TSPAN18: variants seen among roughly 807,000 people sequenced by gnomAD.
TSPAN18 encodes tetraspanin 18.
Under a neutral mutation model 27.3 loss-of-function variants are expected in TSPAN18, and 14 were observed. That is an observed-to-expected ratio of 0.51 (90% CI 0.34 to 0.80). TSPAN18 has a LOEUF of 0.80. TSPAN18 is among the 30% of genes least tolerant of loss of function. The pLI is 0.01. For missense variants in TSPAN18, 268 were observed against 323.9 expected (o/e 0.83, Z 1.32); for synonymous variants, 143 against 136.5 (o/e 1.05, Z -0.33).
At chr11:44,742,066 A>G (rs79534406) in intron 1 of TSPAN18, among the ~76,000 whole-genome samples, 5,195 of 152,328 alleles carry the variant, frequency 0.034, 89 homozygotes, top group Middle Eastern at 0.044. Context: ...ACAGAATGGA[A>G]ACCTGCTGCA....
At chr11:44,826,986 G>T (rs1857056813) in intron 2 of TSPAN18, among the ~76,000 whole-genome samples, 1 of 152,212 alleles carries the variant, frequency 6.6e-6, no homozygotes, top group Non-Finnish European at 1.5e-5. Flanking sequence ...ACATGTGAAG[G>T]CATTTGGACT....
At chr11:44,792,812 C>T (rs1415897347) in intron 2 of TSPAN18, among the ~76,000 whole-genome samples, 1 of 152,146 alleles carries the variant, frequency 6.6e-6, no homozygotes, top group Non-Finnish European at 1.5e-5. Context: ...CCTGCCAAGG[C>T]CAAGAGGTGG....
intron 3 of TSPAN18, among the ~76,000 whole-genome samples, chr11:44,894,613 C>T (rs1026490839): frequency 9.2e-5 from 14 of 152,376 alleles, no homozygotes; most frequent in Admixed American, 9.1e-4. Context: ...ATAAAGCTGT[C>T]TGGCCCGGGC....
chr11:44,841,438 C>T (rs1485716863), intron 2 of TSPAN18, among the ~76,000 whole-genome samples: 4 of 151,624 alleles, frequency 2.6e-5, no homozygotes, highest in Admixed American at 2.6e-4. Flanking sequence ...ATCACTTGAA[C>T]CCAGGAGACA....
chr11:44,800,563 G>T (rs929387340), intron 2 of TSPAN18, among the ~76,000 whole-genome samples: 1 of 152,212 alleles, frequency 6.6e-6, no homozygotes, highest in Non-Finnish European at 1.5e-5. Context: ...CTTCCATAGG[G>T]CCTGTATTTG....
intron 6 of TSPAN18, 113 bp downstream of exon 6, chr11:44,918,159 A>C: frequency 9.0e-7 from 1 of 1,109,570 alleles, no homozygotes; most frequent in Non-Finnish European, 1.3e-6. Flanking sequence ...GCAGCCTCTC[A>C]TCTGGCACTT....
chr11:44,754,958 T>A (rs1311772530), intron 1 of TSPAN18, among the ~76,000 whole-genome samples: 1 of 152,136 alleles, frequency 6.6e-6, no homozygotes, highest in Non-Finnish European at 1.5e-5. Flanking sequence ...GCTGTGTCTG[T>A]CTATGGCAGG....
chr11:44,919,712 C>G, intron 7 of TSPAN18, 105 bp from the exon 8 acceptor site: 1 of 1,178,976 alleles, frequency 8.5e-7, no homozygotes, highest in South Asian at 1.3e-5. Context: ...CGCCCACACC[C>G]AGTCTTCTGA....
intron 1 of TSPAN18, among the ~76,000 whole-genome samples, chr11:44,743,633 C>A (rs1854999436): frequency 6.6e-6 from 1 of 152,212 alleles, no homozygotes; most frequent in South Asian, 2.1e-4. Flanking sequence ...CTCCAGCTTT[C>A]AAGTTGCCCT....
chr11:44,765,324 G>A (rs1855543223), intron 2 of TSPAN18, among the ~76,000 whole-genome samples: 1 of 152,230 alleles, frequency 6.6e-6, no homozygotes, highest in Non-Finnish European at 1.5e-5. Flanking sequence ...GTTGTGGAAG[G>A]CCATGGAGAG....
At chr11:44,892,082 G>T (rs1036243162) in intron 3 of TSPAN18, among the ~76,000 whole-genome samples, 5 of 152,120 alleles carry the variant, frequency 3.3e-5, no homozygotes, top group African/African-American at 1.2e-4. Context: ...GTGGGAGGCT[G>T]CGGGGCTGTC....
chr11:44,770,434 T>C (rs188678772), intron 2 of TSPAN18, among the ~76,000 whole-genome samples: 119 of 152,058 alleles, frequency 7.8e-4, no homozygotes, highest in African/African-American at 2.7e-3. Flanking sequence ...ACAGCAAGGG[T>C]AAGGCACATT....
At chr11:44,880,264 AC>A (rs1858453174) in intron 3 of TSPAN18, among the ~76,000 whole-genome samples, 1 of 152,202 alleles carries the variant, frequency 6.6e-6, no homozygotes, top group South Asian at 2.1e-4. Context: ...AATGCTGGAG[AC>A]TGGGACAGCC....
At chr11:44,897,510 T>C (rs556450766) in intron 3 of TSPAN18, among the ~76,000 whole-genome samples, 1 of 152,340 alleles carries the variant, frequency 6.6e-6, no homozygotes, top group African/African-American at 2.4e-5. Context: ...ATTAAAGATG[T>C]GCCTTCCAAG....
intron 1 of TSPAN18, among the ~76,000 whole-genome samples, chr11:44,756,009 G>A (rs755906221): frequency 2.0e-5 from 3 of 151,964 alleles, no homozygotes; most frequent in Non-Finnish European, 2.9e-5. Flanking sequence ...AGAGGGAGAT[G>A]GAGAGAGAGT....
intron 8 of TSPAN18, among the ~76,000 whole-genome samples, chr11:44,924,822 A>G (rs530881561): frequency 6.6e-6 from 1 of 152,388 alleles, no homozygotes; most frequent in South Asian, 2.1e-4. Flanking sequence ...CAGCACACCA[A>G]CATGGCACAT....
intron 2 of TSPAN18, among the ~76,000 whole-genome samples, chr11:44,822,404 A>C (rs770966550): frequency 6.6e-6 from 1 of 152,090 alleles, no homozygotes; most frequent in African/African-American, 2.4e-5. Context: ...GTGGCTGTCC[A>C]CACAGTATTT....
rs570744554 is a variant in TSPAN18, at chr11:44,879,837, G to A, written c.-11+19368G>A. On this transcript the variant is annotated intron_variant, in intron 3 of 9. Coordinates refer to ENST00000520358, the MANE Select transcript of TSPAN18 (RefSeq NM_130783.5). Reference sequence around the variant, plus strand: ...CTGGAGGCCAGATGGCAAAGCGGACGAAGAAGCGTGTCCCGTTGTCCTCTG... The same window carrying A: ...CTGGAGGCCAGATGGCAAAGCGGACAAAGAAGCGTGTCCCGTTGTCCTCTG... 4.6e-5 allele frequency among the ~76,000 whole-genome samples: 7 copies of A among 152,352 alleles called. No individual in the cohort carries two copies. In the East Asian group the frequency reaches 1.4e-3, roughly 29 times the overall value.
intron 2 of TSPAN18, among the ~76,000 whole-genome samples, chr11:44,803,964 T>G (rs534517009): frequency 6.6e-6 from 1 of 152,302 alleles, no homozygotes; most frequent in East Asian, 1.9e-4. Context: ...TGACTAGCAT[T>G]TATTACACCT....
Sources: allele counts gnomAD v4.1 joint callset (sites outside exome capture counted in the v4.1 genomes callset), GRCh38; gene constraint gnomAD v4.1.1; transcripts MANE v1.5; gene names NCBI Gene and HGNC (gene_info 2026-07-23, HGNC 2026-07-21).